ITGB1: variants seen among roughly 807,000 people sequenced by gnomAD.
ITGB1 encodes integrin subunit beta 1.
A neutral mutation model predicts 86.5 loss-of-function variants in ITGB1; 24 were observed. The observed-to-expected ratio is 0.28, with a 90% CI of 0.20 to 0.39. ITGB1 has a LOEUF of 0.39. Among genes scored for constraint, ITGB1 ranks in the 10% least tolerant of loss-of-function variants. The probability of loss-of-function intolerance (pLI) is 1.00; values close to 1 mark genes in which losing one functional copy is unlikely to be tolerated. For synonymous variants in ITGB1, 323 were observed against 316.8 expected (o/e 1.02, Z -0.21); for missense variants, 556 against 946.9 (o/e 0.59, Z 5.42).
intron 1 of ITGB1, among the ~76,000 whole-genome samples, chr10:32,947,276 A>G (rs2095033441): frequency 6.6e-6 from 1 of 150,542 alleles, no homozygotes; most frequent in South Asian, 2.1e-4. Flanking sequence ...CTTTATCTGA[A>G]TAAACTGAAA....
At position 32,900,398 on chromosome 10, in the gene ITGB1, T is replaced by A. The variant is rs202200623; in HGVS notation, c.*1172A>T. 458 of 152,712 alleles carry A rather than the reference T, an allele frequency of 3.0e-3. 4 individuals carry two copies. The South Asian group carries it at 0.037, about 12-fold the overall frequency. The allele number at this position is 152,712 out of a possible 1,614,324, so 9.5% of individuals were successfully genotyped here. On this transcript the variant is annotated 3_prime_UTR_variant, in exon 16 of 16. Coordinates refer to ENST00000302278, the MANE Select transcript of ITGB1 (RefSeq NM_002211.4). ...ATACATCAGAGTCAAGACATCCGAT[T>A]TAAGTATTTTAGGCATATTTAATAA...
At chr10:32,903,966 A>G (rs1220147164) in intron 15 of ITGB1, among the ~76,000 whole-genome samples, 1 of 151,616 alleles carries the variant, frequency 6.6e-6, no homozygotes, top group Non-Finnish European at 1.5e-5. Context: ...TATTTGCTAA[A>G]TCTAGTATTT....
chr10:32,928,490 G>C (rs2503998), intron 4 of ITGB1, among the ~76,000 whole-genome samples: 52,011 of 152,124 alleles, frequency 0.34, 11,349 homozygotes, highest in Non-Finnish European at 0.5. Context: ...AGATAAAAAA[G>C]ATATTCCCAA....
At chr10:32,954,224 C>T (rs2095048150) in intron 1 of ITGB1, among the ~76,000 whole-genome samples, 1 of 151,882 alleles carries the variant, frequency 6.6e-6, no homozygotes, top group South Asian at 2.1e-4. Flanking sequence ...AAAAAAAAAA[C>T]TTGGCCTCAT....
intron 1 of ITGB1, among the ~76,000 whole-genome samples, chr10:32,946,067 A>T (rs1477281395): frequency 2.0e-5 from 3 of 152,206 alleles, no homozygotes; most frequent in African/African-American, 7.2e-5. Context: ...TATAATTGAA[A>T]TCTATGTTTT....
intron 11 of ITGB1, among the ~76,000 whole-genome samples, 157 bp from the exon 12 acceptor site, chr10:32,912,281 C>G (rs1245456703): frequency 6.6e-6 from 1 of 152,238 alleles, no homozygotes; most frequent in Non-Finnish European, 1.5e-5. Flanking sequence ...CTGGGTTCAT[C>G]TCACTGGGGC....
intron 1 of ITGB1, among the ~76,000 whole-genome samples, chr10:32,949,652 C>T (rs2095038892): frequency 6.6e-6 from 1 of 152,140 alleles, no homozygotes; most frequent in Non-Finnish European, 1.5e-5. Flanking sequence ...ACACCACCCA[C>T]AAATAATCTC....
At position 32,953,533 on chromosome 10, in the gene ITGB1, T is replaced by A. The variant is rs1324793379; in HGVS notation, c.-1+4612A>T. 3.6e-5 allele frequency: 5 copies of A among 137,254 alleles called. No homozygotes were observed. In the Admixed American group the frequency reaches 4.0e-4, roughly 11 times the overall value. 8.5% of individuals were successfully genotyped at this position (137,254 alleles called of 1,614,324 possible). ...AGAGTAAGTGGCACAGTGCCTACAC[T>A]CTCTGGTGATACAAAAAAAAAAAAA... On this transcript the variant is annotated intron_variant, in intron 1 of 15. Coordinates refer to ENST00000302278, the MANE Select transcript of ITGB1 (RefSeq NM_002211.4).
chr10:32,913,549 C>A (rs1296899996), intron 11 of ITGB1, among the ~76,000 whole-genome samples: 1 of 151,944 alleles, frequency 6.6e-6, no homozygotes, highest in Non-Finnish European at 1.5e-5. Flanking sequence ...CGATTCGATC[C>A]AGTGGAAGAA....
intron 6 of ITGB1, 74 bp from the exon 7 acceptor site, chr10:32,923,814 A>C: frequency 3.3e-6 from 4 of 1,197,816 alleles, no homozygotes; most frequent in Non-Finnish European, 4.7e-6. Flanking sequence ...ATTTTCATAT[A>C]GGCCACCATT....
At chr10:32,912,493 T>C (rs1447787152) in intron 11 of ITGB1, among the ~76,000 whole-genome samples, 1 of 152,184 alleles carries the variant, frequency 6.6e-6, no homozygotes, top group Non-Finnish European at 1.5e-5. Flanking sequence ...CAGAAGATTA[T>C]ATCCCGCGCC....
intron 1 of ITGB1, among the ~76,000 whole-genome samples, chr10:32,941,116 A>G (rs1346118384): frequency 6.6e-6 from 1 of 152,216 alleles, no homozygotes; most frequent in Non-Finnish European, 1.5e-5. Flanking sequence ...CTGAAGGCAC[A>G]TAGGAGATGG....
chr10:32,918,793 AAATAC>A (rs1265790103), intron 11 of ITGB1, among the ~76,000 whole-genome samples: 1 of 152,216 alleles, frequency 6.6e-6, no homozygotes, highest in Admixed American at 6.5e-5. Context: ...TAACCTAAAA[AAATAC>A]AATAAACACA....
At chr10:32,944,780 G>A in intron 1 of ITGB1, 2 of 742,758 alleles carry the variant, frequency 2.7e-6, no homozygotes, top group African/African-American at 1.7e-5. Context: ...GATTCATCCT[G>A]CCAGTGGCTG....
At chr10:32,920,694 C>T (rs1014883944) in intron 9 of ITGB1, among the ~76,000 whole-genome samples, 6 of 151,704 alleles carry the variant, frequency 4.0e-5, no homozygotes, top group South Asian at 2.1e-4. Flanking sequence ...TGGAATAGGC[C>T]GGGTGTGGTA....
intron 8 of ITGB1, 145 bp from the exon 9 acceptor site, chr10:32,922,491 T>A: frequency 1.3e-6 from 1 of 754,478 alleles, no homozygotes; most frequent in Non-Finnish European, 2.2e-6. Flanking sequence ...ACCAGTTTTA[T>A]AATATGTGAT....
intron 3 of ITGB1, among the ~76,000 whole-genome samples, chr10:32,931,994 A>T (rs948262135): frequency 8.5e-5 from 13 of 152,110 alleles, no homozygotes; most frequent in Non-Finnish European, 1.5e-5. Flanking sequence ...ATTGGGATGC[A>T]AATCAATTCC....
chr10:32,950,397 G>A (rs1399853953), intron 1 of ITGB1, among the ~76,000 whole-genome samples: 2 of 152,034 alleles, frequency 1.3e-5, no homozygotes, highest in African/African-American at 4.8e-5. Context: ...TTCCTCCCAT[G>A]GAAAGGGAAC....
intron 1 of ITGB1, among the ~76,000 whole-genome samples, chr10:32,936,924 T>C (rs1292978557): frequency 6.6e-6 from 1 of 152,112 alleles, no homozygotes; most frequent in Non-Finnish European, 1.5e-5. Flanking sequence ...CTAGCAAAAA[T>C]AGAAAGTTTT....
Sources: allele counts gnomAD v4.1 joint callset (sites outside exome capture counted in the v4.1 genomes callset), GRCh38; gene constraint gnomAD v4.1.1; transcripts MANE v1.5; gene names NCBI Gene and HGNC (gene_info 2026-07-23, HGNC 2026-07-21).